Variants in ZNF804A observed in about 807,000 individuals in gnomAD.
ZNF804A encodes zinc finger protein 804A.
Under a neutral mutation model 16.5 loss-of-function variants are expected in ZNF804A, and 2 were observed. The ratio of observed to expected loss-of-function variants is 0.12; its 90% CI spans 0.05 to 0.38. The LOEUF (loss-of-function observed/expected upper bound fraction) is 0.38. Among genes scored for constraint, ZNF804A ranks in the 10% least tolerant of loss-of-function variants. The probability of loss-of-function intolerance (pLI) is 0.99; values close to 1 mark genes in which losing one functional copy is unlikely to be tolerated. For synonymous variants in ZNF804A, 534 were observed against 489.6 expected (o/e 1.09, Z -1.20); for missense variants, 1,473 against 1,390.7 (o/e 1.06, Z -0.94).
intron 2 of ZNF804A, among the ~76,000 whole-genome samples, chr2:184,896,241 G>A (rs2105824802): frequency 6.6e-6 from 1 of 152,076 alleles, no homozygotes; most frequent in South Asian, 2.1e-4. Context: ...AACTCCCAAG[G>A]TGCTCTAACT....
At chr2:184,607,511 T>G (rs904473368) in intron 1 of ZNF804A, among the ~76,000 whole-genome samples, 2 of 152,010 alleles carry the variant, frequency 1.3e-5, no homozygotes, top group Admixed American at 1.3e-4. Flanking sequence ...CCATCAAATC[T>G]GGTGAGAACT....
intron 1 of ZNF804A, among the ~76,000 whole-genome samples, chr2:184,627,616 C>A (rs1021940777): frequency 6.6e-6 from 1 of 152,040 alleles, no homozygotes; most frequent in Admixed American, 6.6e-5. Context: ...AGTGTATATG[C>A]AAATGTATTA....
intron 2 of ZNF804A, among the ~76,000 whole-genome samples, chr2:184,868,200 G>T (rs750974204): frequency 3.9e-5 from 6 of 152,020 alleles, no homozygotes; most frequent in Non-Finnish European, 8.8e-5. Flanking sequence ...CATAAACTCT[G>T]GTAGACAGCA....
At chr2:184,704,757 A>G (rs749655421) in intron 1 of ZNF804A, among the ~76,000 whole-genome samples, 3 of 152,120 alleles carry the variant, frequency 2.0e-5, no homozygotes, top group Non-Finnish European at 2.9e-5. Flanking sequence ...TTCTTAGGGA[A>G]TGAATCTCAA....
At chr2:184,667,787 C>A (rs1692274985) in intron 1 of ZNF804A, among the ~76,000 whole-genome samples, 2 of 151,624 alleles carry the variant, frequency 1.3e-5, no homozygotes, top group African/African-American at 4.8e-5. Context: ...TAAGAGAATT[C>A]TTGTGAGAAT....
intron 2 of ZNF804A, among the ~76,000 whole-genome samples, chr2:184,895,623 A>G (rs940598388): frequency 6.6e-6 from 1 of 152,236 alleles, no homozygotes; most frequent in Non-Finnish European, 1.5e-5. Flanking sequence ...AATCTTTCCC[A>G]GAAGGCTCTC....
At chr2:184,742,928 T>C (rs565088768) in intron 1 of ZNF804A, among the ~76,000 whole-genome samples, 125 of 152,022 alleles carry the variant, frequency 8.2e-4, no homozygotes, top group African/African-American at 3.0e-3. Flanking sequence ...TATCTCATAG[T>C]TCACAGTTTC....
chr2:184,845,516 C>G (rs1349589262), intron 1 of ZNF804A, among the ~76,000 whole-genome samples: 1 of 152,026 alleles, frequency 6.6e-6, no homozygotes, highest in Non-Finnish European at 1.5e-5. Flanking sequence ...CCCACACTTC[C>G]CCAACTTGGG....
chr2:184,624,034 C>T (rs1691458524), intron 1 of ZNF804A, among the ~76,000 whole-genome samples: 1 of 152,062 alleles, frequency 6.6e-6, no homozygotes, highest in Non-Finnish European at 1.5e-5. Context: ...TCTGGCTTTT[C>T]CAAAAGTTGC....
intron 1 of ZNF804A, among the ~76,000 whole-genome samples, chr2:184,646,240 G>A (rs1049514266): frequency 2.0e-5 from 3 of 152,220 alleles, no homozygotes; most frequent in African/African-American, 7.2e-5. Context: ...AAGTGCCTCA[G>A]CAGTCAGCAG....
At chr2:184,797,709 T>A (rs1341262437) in intron 1 of ZNF804A, among the ~76,000 whole-genome samples, 1 of 152,068 alleles carries the variant, frequency 6.6e-6, no homozygotes. Context: ...AGATGTGAGG[T>A]ACTGTTGCAT....
intron 1 of ZNF804A, among the ~76,000 whole-genome samples, chr2:184,671,419 G>A (rs1179099185): frequency 9.2e-5 from 14 of 152,166 alleles, no homozygotes; most frequent in Admixed American, 7.2e-4. Flanking sequence ...ATTCTTTCTT[G>A]AGTAGTTACA....
chr2:184,850,277 A>G (rs114115981), intron 1 of ZNF804A, among the ~76,000 whole-genome samples: 31 of 152,066 alleles, frequency 2.0e-4, no homozygotes, highest in African/African-American at 7.5e-4. Flanking sequence ...GGATACTCCA[A>G]TGACCCTGAT....
chr2:184,642,672 ACT>A (rs377626579), intron 1 of ZNF804A, among the ~76,000 whole-genome samples: 17 of 152,138 alleles, frequency 1.1e-4, no homozygotes, highest in African/African-American at 4.1e-4. Context: ...TTCATTAGTG[ACT>A]CTGGCAACAT....
At chr2:184,902,656 A>G in intron 2 of ZNF804A, 1 of 152,082 alleles carries the variant, frequency 6.6e-6, no homozygotes, top group East Asian at 1.9e-4. Flanking sequence ...TGACAATAAA[A>G]AATTTTTAAA....
chr2:184,629,390 G>A (rs375076083), intron 1 of ZNF804A, among the ~76,000 whole-genome samples: 38 of 152,176 alleles, frequency 2.5e-4, no homozygotes, highest in African/African-American at 8.2e-4. Flanking sequence ...TAAACAATGA[G>A]TTCAGGCACA....
intron 1 of ZNF804A, among the ~76,000 whole-genome samples, chr2:184,677,291 A>G (rs1188237766): frequency 3.3e-5 from 5 of 151,962 alleles, no homozygotes; most frequent in Non-Finnish European, 7.4e-5. Flanking sequence ...GATTGTCGTC[A>G]TCACATCCAG....
intron 1 of ZNF804A, among the ~76,000 whole-genome samples, chr2:184,747,451 A>G (rs890645477): frequency 6.6e-6 from 1 of 150,790 alleles, no homozygotes; most frequent in Non-Finnish European, 1.5e-5. Context: ...TGATTTTAAT[A>G]TATTTTACAA....
chr2:184,879,095 C>G (rs1386703004), intron 2 of ZNF804A, among the ~76,000 whole-genome samples: 3 of 151,826 alleles, frequency 2.0e-5, no homozygotes, highest in African/African-American at 7.3e-5. Flanking sequence ...AATGATGCCT[C>G]ACGGAGTACT....
Sources: gnomAD v4.1 joint callset for allele counts (sites outside exome capture counted in the v4.1 genomes callset) on GRCh38, gnomAD v4.1.1 for gene constraint, MANE v1.5 for transcripts, NCBI Gene and HGNC (gene_info 2026-07-23, HGNC 2026-07-21) for gene names.